The following COL5A2 variants were observed in gnomAD, a reference collection of about 807,000 sequenced individuals.
COL5A2 encodes collagen alpha-2(V) chain.
Under a neutral mutation model 208.2 loss-of-function variants are expected in COL5A2, and 23 were observed. The ratio of observed to expected loss-of-function variants is 0.11; its 90% CI spans 0.08 to 0.16. The LOEUF is 0.16. COL5A2 is among the 10% of genes least tolerant of loss of function. The pLI is 1.00. For synonymous variants in COL5A2, 625 were observed against 628.5 expected (o/e 0.99, Z 0.08); for missense variants, 1,590 against 1,956.4 (o/e 0.81, Z 3.53).
At position 189,035,046 on chromosome 2, in the gene COL5A2, C is replaced by T; in HGVS notation, c.4223G>A (p.Ser1408Asn). ...AGCTTGATCGTCCATGTATCCTACA[C>T]TGTTTTTACAGATGTAAGTGATGTT... is the stretch of plus-strand genomic sequence containing the variant. ...SQNITYICKN[S>N]VGYMDDQAKN... is the part of the protein sequence containing the mutation. The change falls in exon 53 of 54, where the codon AGT becomes AAT. Residue 1408 changes from serine to asparagine, a missense_variant. Physicochemically the swap from Ser to Asn is conservative, Grantham distance 46 (BLOSUM62 1). Coordinates refer to ENST00000374866, the MANE Select transcript of COL5A2 (RefSeq NM_000393.5). The T allele has an allele frequency of 6.2e-7, 1 of 1,613,878 alleles. No individual in the cohort carries two copies. Among genetic ancestry groups the T allele is most frequent in the South Asian group, 1.1e-5 (1 of 91,078 alleles).
intron 24 of COL5A2, 86 bp from the exon 25 acceptor site, chr2:189,064,741 A>C: frequency 9.7e-7 from 1 of 1,027,236 alleles, no homozygotes. Flanking sequence ...TTTACAAATC[A>C]AGGCACTAAT....
intron 1 of COL5A2, among the ~76,000 whole-genome samples, chr2:189,219,479 A>G (rs1208890178): frequency 6.6e-6 from 1 of 152,182 alleles, no homozygotes; most frequent in Non-Finnish European, 1.5e-5. Flanking sequence ...CAAATTGAAT[A>G]CATTTCAGGC....
At chr2:189,111,057 A>C (rs951926739) in intron 1 of COL5A2, among the ~76,000 whole-genome samples, 3 of 152,230 alleles carry the variant, frequency 2.0e-5, no homozygotes, top group Non-Finnish European at 4.4e-5. Flanking sequence ...GTGTTTACTC[A>C]ACTGTGGCAG....
Position 189,116,647 on chromosome 2 carries a change from C to T in COL5A2, c.98-6198G>A, listed in dbSNP as rs562005891. On this transcript the variant is annotated intron_variant, in intron 1 of 53. Coordinates refer to ENST00000374866, the MANE Select transcript of COL5A2 (RefSeq NM_000393.5). ...GTTTTACATCTTCTGTTCTTCAATC[C>T]ACTGCAAAGACTTTTACTTTCTAGT... Among the ~76,000 whole-genome samples, 99 of 152,186 alleles carry T rather than the reference C, an allele frequency of 6.5e-4. 1 individual carries two copies. In the South Asian group the frequency reaches 0.02, roughly 31 times the overall value.
At chr2:189,088,624 A>T (rs543712822) in intron 8 of COL5A2, 71 bp downstream of exon 8, 240 of 1,127,856 alleles carry the variant, frequency 2.1e-4, no homozygotes, top group Middle Eastern at 7.8e-4. Context: ...TGACTAGTTA[A>T]CTCAAGATTC....
chr2:189,085,193 T>A lies in COL5A2; in HGVS notation c.765A>T (p.Gly255=). 6.2e-7 allele frequency: 1 copy of A among 1,611,994 alleles called. No individual in the cohort carries two copies. The highest frequency in any genetic ancestry group is 8.5e-7 in the Non-Finnish European group (1 of 1,178,916). ...CAGGTTTACCAGGAGGGCCCTCTGG[T>A]CCACGTGAACCAATCGGACCCTAAT... ...PGPMGPIGSR[G]PEGPPGKPGE... is the part of the protein sequence containing the mutation. Residue 255 remains glycine, a synonymous_variant, in exon 11 of 54, where the codon GGA becomes GGT. Coordinates refer to ENST00000374866, the MANE Select transcript of COL5A2 (RefSeq NM_000393.5).
chr2:189,240,730 T>C, the COL5A2 span, among the ~76,000 whole-genome samples: 9 of 152,274 alleles, frequency 5.9e-5, no homozygotes, highest in East Asian at 1.7e-3. Context: ...TTTAAGACAG[T>C]TCTGCAGGTC....
intron 5 of COL5A2, 93 bp from the exon 6 acceptor site, chr2:189,097,423 G>A (rs1686942108): frequency 2.4e-6 from 3 of 1,260,892 alleles, no homozygotes; most frequent in African/African-American, 3.0e-5. Flanking sequence ...TTGGAAAACA[G>A]AAATACCACA....
chr2:189,250,104 T>C, the COL5A2 span, among the ~76,000 whole-genome samples: 1 of 152,186 alleles, frequency 6.6e-6, no homozygotes, highest in Non-Finnish European at 1.5e-5. Context: ...ATGAAAATAT[T>C]TACAATATGA....
At chr2:189,139,720 C>T (rs1341625374) in intron 1 of COL5A2, among the ~76,000 whole-genome samples, 1 of 152,174 alleles carries the variant, frequency 6.6e-6, no homozygotes, top group Admixed American at 6.5e-5. Flanking sequence ...ACCCTTTGTA[C>T]TATCGGTACA....
the COL5A2 span, among the ~76,000 whole-genome samples, chr2:189,431,740 T>C: frequency 3.9e-5 from 6 of 152,164 alleles, no homozygotes; most frequent in Non-Finnish European, 7.4e-5. Context: ...CTGAAAGTGA[T>C]GGGGAGAATG....
chr2:189,309,134 A>G, the COL5A2 span, among the ~76,000 whole-genome samples: 5 of 152,228 alleles, frequency 3.3e-5, no homozygotes, highest in African/African-American at 1.2e-4. Context: ...CTCCCCGACA[A>G]CCTCATCGAG....
chr2:189,037,480 G>A (rs1685468032), intron 51 of COL5A2, among the ~76,000 whole-genome samples: 1 of 152,138 alleles, frequency 6.6e-6, no homozygotes, highest in African/African-American at 2.4e-5. Context: ...AATGTATAGA[G>A]TTAATAAAAT....
intron 17 of COL5A2, among the ~76,000 whole-genome samples, chr2:189,072,605 C>G (rs1003082307): frequency 9.2e-5 from 14 of 151,908 alleles, no homozygotes; most frequent in Non-Finnish European, 1.5e-5. Flanking sequence ...AACCCAGTCT[C>G]TACTAAAAAT....
the COL5A2 span, among the ~76,000 whole-genome samples, chr2:189,348,863 T>C: frequency 6.6e-6 from 1 of 152,184 alleles, no homozygotes; most frequent in African/African-American, 2.4e-5. Context: ...TATTACTTTT[T>C]CTTTAGCTGT....
At chr2:189,174,668 G>C (rs944555199) in intron 1 of COL5A2, among the ~76,000 whole-genome samples, 1 of 152,160 alleles carries the variant, frequency 6.6e-6, no homozygotes, top group African/African-American at 2.4e-5. Context: ...AAGTAGAGGG[G>C]TCTAGAATCT....
chr2:189,420,520 T>A, the COL5A2 span, among the ~76,000 whole-genome samples: 1 of 152,138 alleles, frequency 6.6e-6, no homozygotes, highest in South Asian at 2.1e-4. Flanking sequence ...TGCATCCCAA[T>A]AGTTTTAAAA....
At chr2:189,152,571 C>T (rs1559127394) in intron 1 of COL5A2, among the ~76,000 whole-genome samples, 1 of 152,156 alleles carries the variant, frequency 6.6e-6, no homozygotes, top group Non-Finnish European at 1.5e-5. Flanking sequence ...TTCCCTACAG[C>T]GATCCCTTTC....
In COL5A2 at chr2:189,066,751, T is replaced by A. The variant is rs559110283; in HGVS notation, c.1433A>T (p.Glu478Val). Reference sequence around the variant, plus strand: ...TACTGGTTCCCCTTTTGGGCCAGCTTCTCCTTTGAAACCTGGAACTCCTGG... The same window carrying A: ...TACTGGTTCCCCTTTTGGGCCAGCTACTCCTTTGAAACCTGGAACTCCTGG... ...GDPGVPGFKG[E>V]AGPKGEPGPH... The change falls in exon 22 of 54, where the codon GAA (glutamate) becomes GTA (valine). Residue 478 changes from glutamate (E) to valine (V), a missense_variant. Glu to Val is a moderately radical substitution (Grantham distance 121). Transcript: ENST00000374866. The A allele has an allele frequency of 9.5e-5, 153 of 1,613,762 alleles. 1 individual carries two copies. In the South Asian group the frequency reaches 1.6e-3, roughly 17 times the overall value.
Sources: allele counts gnomAD v4.1 joint callset (sites outside exome capture counted in the v4.1 genomes callset), GRCh38; gene constraint gnomAD v4.1.1; transcripts MANE v1.5; gene names NCBI Gene and HGNC (gene_info 2026-07-23, HGNC 2026-07-21).